The following CDC20B variants were observed in gnomAD, a reference collection of about 807,000 sequenced individuals.
The protein encoded by CDC20B is cell division cycle protein 20 homolog B.
In CDC20B, 58 loss-of-function variants were observed where a neutral mutation model predicts 64.1. That is an observed-to-expected ratio of 0.90 (90% CI 0.73 to 1.13). The LOEUF (loss-of-function observed/expected upper bound fraction) is 1.13. Among genes scored for constraint, CDC20B ranks in the 50% most tolerant of loss-of-function variants. The probability of loss-of-function intolerance (pLI) is 0.00; values close to 1 mark genes in which losing one functional copy is unlikely to be tolerated. For synonymous variants in CDC20B, 243 were observed against 230.6 expected (o/e 1.05, Z -0.49); for missense variants, 597 against 633.0 (o/e 0.94, Z 0.61).
At chr5:55,167,765 A>T (rs961415967) in intron 2 of CDC20B, among the ~76,000 whole-genome samples, 5 of 152,148 alleles carry the variant, frequency 3.3e-5, no homozygotes, top group African/African-American at 1.2e-4. Context: ...TAGGAGGCTG[A>T]GGTGGAAGGA....
chr5:55,146,581 T>A (rs372543151), intron 3 of CDC20B, 47 bp downstream of exon 3: 25 of 1,339,120 alleles, frequency 1.9e-5, no homozygotes, highest in Admixed American at 1.2e-4. Flanking sequence ...GGAATATATC[T>A]TTTATTCACG....
At chr5:55,170,967 A>G (rs919793679) in intron 2 of CDC20B, among the ~76,000 whole-genome samples, 1 of 152,244 alleles carries the variant, frequency 6.6e-6, no homozygotes, top group Non-Finnish European at 1.5e-5. Context: ...AGGTTTTCCA[A>G]ATTAAATGCT....
Position 55,120,429 on chromosome 5 carries a change from G to C in CDC20B, c.1337C>G (p.Ser446Ter), listed in dbSNP as rs769189130. The C allele has an allele frequency of 1.2e-6, 2 of 1,613,680 alleles. No individual in the cohort carries two copies. Among genetic ancestry groups the C allele is most frequent in the Admixed American group, 3.3e-5 (2 of 60,008 alleles). The change falls in exon 10 of 12, where the codon TCA becomes TGA. Residue 446 changes from serine (S) to a stop codon, truncating the protein, a stop_gained. Coordinates refer to ENST00000381375, the MANE Select transcript of CDC20B (RefSeq NM_001170402.1). LOFTEE classifies it high-confidence loss of function. ...GKSIQTPSTNSQICSLIWLPK... is the reference protein window; with the variant it reads ...GKSIQTPSTN The stretch of plus-strand genomic sequence containing the variant: ...AAGCCCAGAGGAGATATTAACCTGT[G>C]AGTTTGTGCTTGGGGTCTGGATGCT...
At chr5:55,128,743 A>G in intron 6 of CDC20B, 126 bp from the exon 7 acceptor site, 2 of 642,568 alleles carry the variant, frequency 3.1e-6, no homozygotes, top group South Asian at 7.9e-5. Flanking sequence ...AAATGGAAAC[A>G]TGGAACCATG....
chr5:55,145,836 C>G (rs1561295763), intron 3 of CDC20B, among the ~76,000 whole-genome samples: 1 of 151,560 alleles, frequency 6.6e-6, no homozygotes, highest in East Asian at 1.9e-4. Flanking sequence ...CTTCCTCTTA[C>G]TTTCTCTTCC....
chr5:55,162,530 T>C (rs1276446871), intron 2 of CDC20B, among the ~76,000 whole-genome samples: 1 of 152,242 alleles, frequency 6.6e-6, no homozygotes, highest in African/African-American at 2.4e-5. Context: ...AAGCTTCTAA[T>C]CCAACAAACC....
intron 11 of CDC20B, among the ~76,000 whole-genome samples, chr5:55,119,027 A>C (rs1742691439): frequency 6.6e-6 from 1 of 152,224 alleles, no homozygotes. Flanking sequence ...AGTACCTCCC[A>C]CATAATAGAT....
chr5:55,159,294 G>C (rs542319788), intron 2 of CDC20B, among the ~76,000 whole-genome samples: 15 of 152,320 alleles, frequency 9.8e-5, no homozygotes, highest in African/African-American at 3.1e-4. Flanking sequence ...TGGGATTACA[G>C]GCGTGAGCCA....
intron 2 of CDC20B, chr5:55,165,523 T>G (rs750592577): frequency 3.3e-5 from 5 of 152,230 alleles, no homozygotes; most frequent in Admixed American, 6.5e-5. Context: ...TATGGCAAAT[T>G]CAGTAATGCT....
At chr5:55,121,088 A>T (rs1384861228) in intron 9 of CDC20B, among the ~76,000 whole-genome samples, 3 of 152,168 alleles carry the variant, frequency 2.0e-5, no homozygotes, top group Admixed American at 2.0e-4. Context: ...ATTATAGTTA[A>T]TTCTAAAAAA....
At chr5:55,122,390 G>C (rs984582807) in intron 9 of CDC20B, among the ~76,000 whole-genome samples, 7 of 151,878 alleles carry the variant, frequency 4.6e-5, no homozygotes, top group Non-Finnish European at 1.0e-4. Flanking sequence ...ACCTACCTCA[G>C]CCTCCCAAAG....
chr5:55,114,143 C>T lies in CDC20B; in HGVS notation c.*75G>A, dbSNP rs1742569890. 1 of 1,536,312 alleles carries T rather than the reference C, an allele frequency of 6.5e-7. No individual in the cohort carries two copies. The highest frequency in any genetic ancestry group is 8.8e-7 in the Non-Finnish European group (1 of 1,141,304). ...CAACTTGTTTGATACTCATAAAAAC[C>T]CCATGGAGAAGACATAGCCAACATC... On this transcript the variant is annotated 3_prime_UTR_variant, in exon 12 of 12. Transcript: ENST00000381375. The surrounding 1 kb of genome is among the most constrained non-coding windows in gnomAD (Gnocchi z 4.1).
At chr5:55,164,168 A>T in intron 2 of CDC20B, 2 of 1,596,416 alleles carry the variant, frequency 1.3e-6, no homozygotes, top group Non-Finnish European at 1.7e-6. Flanking sequence ...CAGGCCTGAC[A>T]TAGCAGCTCT....
At chr5:55,152,419 T>C (rs1049380918) in intron 2 of CDC20B, among the ~76,000 whole-genome samples, 3 of 152,228 alleles carry the variant, frequency 2.0e-5, no homozygotes, top group African/African-American at 7.2e-5. Flanking sequence ...CTGGGATATA[T>C]GAATCGGAGG....
chr5:55,137,498 G>C (rs781594789), intron 5 of CDC20B: 2 of 455,298 alleles, frequency 4.4e-6, no homozygotes, highest in Non-Finnish European at 8.9e-6. Flanking sequence ...GCTTATGTGG[G>C]ATCTGTTTCA....
intron 11 of CDC20B, among the ~76,000 whole-genome samples, chr5:55,116,243 G>A (rs532473981): frequency 2.0e-5 from 3 of 152,238 alleles, no homozygotes; most frequent in African/African-American, 7.2e-5. Context: ...TGTTTTAAAA[G>A]GATAAATATA....
At chr5:55,163,564 T>C (rs1561305014) in intron 2 of CDC20B, among the ~76,000 whole-genome samples, 1 of 152,028 alleles carries the variant, frequency 6.6e-6, no homozygotes, top group Non-Finnish European at 1.5e-5. Flanking sequence ...TGGAGGGCAG[T>C]GGTGTGGTCT....
At chr5:55,147,243 CATAAATAT>C (rs1743517216) in intron 2 of CDC20B, among the ~76,000 whole-genome samples, 2 of 113,870 alleles carry the variant, frequency 1.8e-5, no homozygotes, top group Non-Finnish European at 1.7e-5. Flanking sequence ...ATTATATAAA[CATAAATAT>C]GTTATGTTTT....
At chr5:55,136,550 C>T (rs1460078794) in intron 5 of CDC20B, 1 of 146,488 alleles carries the variant, frequency 6.8e-6, no homozygotes, top group Admixed American at 6.8e-5. Context: ...TAGAGCAAGA[C>T]TTCATCTCAA....
Sources: gnomAD v4.1 joint callset for allele counts (sites outside exome capture counted in the v4.1 genomes callset) on GRCh38, gnomAD v4.1.1 for gene constraint, Gnocchi (gnomAD v3.1) non-coding constraint, MANE v1.5 for transcripts, NCBI Gene and HGNC (gene_info 2026-07-23, HGNC 2026-07-21) for gene names.